Variants in ANXA6 observed in about 807,000 individuals in gnomAD.
ANXA6 encodes 67 kDa calelectrin.
In ANXA6, 71 loss-of-function variants were observed where a neutral mutation model predicts 95.4. The ratio of observed to expected loss-of-function variants is 0.74; its 90% CI spans 0.61 to 0.91. The LOEUF is 0.91. Ranked by LOEUF, ANXA6 falls within the 40% of genes least tolerant of loss-of-function variation. The pLI is 0.00. For synonymous variants in ANXA6, 289 were observed against 315.9 expected (o/e 0.91, Z 0.90); for missense variants, 830 against 876.4 (o/e 0.95, Z 0.67).
At chr5:151,143,933 A>G (rs1159922419) in intron 2 of ANXA6, among the ~76,000 whole-genome samples, 1 of 152,166 alleles carries the variant, frequency 6.6e-6, no homozygotes. Flanking sequence ...CATCACACAG[A>G]GGAGACACAT....
intron 2 of ANXA6, 166 bp from the exon 3 acceptor site, chr5:151,140,409 A>G: frequency 1.6e-6 from 1 of 637,740 alleles, no homozygotes; most frequent in Non-Finnish European, 2.8e-6. Context: ...TGACTTTCCC[A>G]TACCACCTGC....
intron 24 of ANXA6, 119 bp from the exon 25 acceptor site, chr5:151,103,811 G>A (rs969499611): frequency 3.5e-5 from 43 of 1,239,874 alleles, no homozygotes; most frequent in Non-Finnish European, 4.4e-5. Context: ...CAGGGCGGAT[G>A]TTCCACCTCT....
At chr5:151,108,138 GGTGTGTGTGTCAA>G (rs1764749482) in intron 23 of ANXA6, among the ~76,000 whole-genome samples, 1 of 151,946 alleles carries the variant, frequency 6.6e-6, no homozygotes, top group Admixed American at 6.6e-5. Context: ...GTATATGTTA[GGTGTGTGTGTCAA>G]GTGTGTGTGT....
intron 2 of ANXA6, among the ~76,000 whole-genome samples, chr5:151,145,948 C>T (rs1269078921): frequency 6.6e-6 from 1 of 151,624 alleles, no homozygotes; most frequent in Non-Finnish European, 1.5e-5. Flanking sequence ...CCCCTCTCTC[C>T]TCAACCTAGG....
intron 10 of ANXA6, among the ~76,000 whole-genome samples, chr5:151,132,192 T>A (rs957419629): frequency 4.6e-5 from 7 of 152,132 alleles, no homozygotes; most frequent in Non-Finnish European, 8.8e-5. Context: ...AAAAGTCAAC[T>A]ATTATGATCA....
intron 13 of ANXA6, among the ~76,000 whole-genome samples, chr5:151,127,129 AC>A (rs775819008): frequency 1.3e-5 from 2 of 151,366 alleles, no homozygotes; most frequent in African/African-American, 2.4e-5. Context: ...CTTCTATCCA[AC>A]TCTCCCCTCT....
chr5:151,101,545 C>T, intron 25 of ANXA6, 38 bp from the exon 26 acceptor site: 1 of 1,538,524 alleles, frequency 6.5e-7, no homozygotes, highest in Non-Finnish European at 8.8e-7. Flanking sequence ...GAAAACAGTC[C>T]TTCCAGTCTC....
chr5:151,126,329 A>C, intron 14 of ANXA6, 73 bp downstream of exon 14: 1 of 1,378,118 alleles, frequency 7.3e-7, no homozygotes, highest in Non-Finnish European at 1.0e-6. Context: ...CTGGGTGCCA[A>C]CCAGAGCAGC....
In ANXA6 at chr5:151,101,383, G is replaced by T; in HGVS notation, c.*65C>A. 1.5e-6 allele frequency: 2 copies of T among 1,348,592 alleles called. No individual in the cohort carries two copies. The highest frequency in any genetic ancestry group is 2.1e-6 in the Non-Finnish European group (2 of 968,356). The allele number at this position is 1,348,592 out of a possible 1,614,324, so 83.5% of individuals were successfully genotyped here. On this transcript the variant is annotated 3_prime_UTR_variant, in exon 26 of 26. Coordinates refer to ENST00000354546, the MANE Select transcript of ANXA6 (RefSeq NM_001155.5). Reference sequence around the variant, plus strand: ...TAGTCTCTGGAGCTGGAACAATCAGGCTTGGCCATGGCGGCTGGTGCTGAT... The same window carrying T: ...TAGTCTCTGGAGCTGGAACAATCAGTCTTGGCCATGGCGGCTGGTGCTGAT...
At chr5:151,129,857 C>T (rs536352650) in intron 11 of ANXA6, among the ~76,000 whole-genome samples, 3 of 152,064 alleles carry the variant, frequency 2.0e-5, no homozygotes, top group East Asian at 1.9e-4. Flanking sequence ...AGTACAGGTA[C>T]CCACCACTAC....
At position 151,134,418 on chromosome 5, in the gene ANXA6, CTTGT is replaced by C; in HGVS notation, c.546+5_546+8del. 6.2e-7 allele frequency: 1 copy of C among 1,613,868 alleles called. No individual in the cohort carries two copies. On this transcript the variant is annotated splice_donor_5th_base_variant and intron_variant, in intron 8 of 25. Transcript: ENST00000354546. ...TGTGCCTCAGGGACTTTCAGTGGTGCTTGTTTACCTGGACATCCTGTTGTACCAG... is the reference window on the plus strand; with the variant it reads ...TGTGCCTCAGGGACTTTCAGTGGTGCTTACCTGGACATCCTGTTGTACCAG...
chr5:151,124,034 C>T (rs568957684), intron 15 of ANXA6, among the ~76,000 whole-genome samples: 6 of 152,298 alleles, frequency 3.9e-5, no homozygotes, highest in Non-Finnish European at 7.3e-5. Context: ...TCTTCAGTGC[C>T]AGGATACTGC....
intron 20 of ANXA6, 24 bp downstream of exon 20, chr5:151,117,103 A>G: frequency 6.4e-7 from 1 of 1,569,456 alleles, no homozygotes; most frequent in Non-Finnish European, 8.7e-7. Flanking sequence ...GGCAGAGGTG[A>G]CTGGGGTGGG....
At chr5:151,140,292 A>G (rs1765793937) in intron 2 of ANXA6, 49 bp from the exon 3 acceptor site, 3 of 1,538,238 alleles carry the variant, frequency 2.0e-6, no homozygotes, top group Non-Finnish European at 2.7e-6. Context: ...GACTGAGACC[A>G]AGCTCCCAGC....
chr5:151,153,623 C>T (rs538630901), intron 1 of ANXA6, among the ~76,000 whole-genome samples: 2 of 152,294 alleles, frequency 1.3e-5, no homozygotes, highest in East Asian at 3.9e-4. Flanking sequence ...TTGTCTGACT[C>T]GAGACTTTCA....
In ANXA6 at chr5:151,117,752, A is replaced by G; in HGVS notation, c.1518+6T>C. The G allele has an allele frequency of 6.2e-7, 1 of 1,612,712 alleles. No homozygotes were observed. Among genetic ancestry groups the G allele is most frequent in the East Asian group, 2.2e-5 (1 of 44,846 alleles). On this transcript the variant is annotated splice_donor_region_variant and intron_variant, in intron 19 of 25. Coordinates refer to ENST00000354546, the MANE Select transcript of ANXA6 (RefSeq NM_001155.5). Reference sequence around the variant, plus strand: ...AAGCCGACCTGGGGCCCATGAATTCACTCACCGTGGCCAGAGAAATGAGGA... The same window carrying G: ...AAGCCGACCTGGGGCCCATGAATTCGCTCACCGTGGCCAGAGAAATGAGGA...
At chr5:151,113,983 T>C (rs1236407474) in intron 20 of ANXA6, among the ~76,000 whole-genome samples, 1 of 152,260 alleles carries the variant, frequency 6.6e-6, no homozygotes, top group East Asian at 1.9e-4. Flanking sequence ...GTTAAGTGTT[T>C]AACATAGTGT....
chr5:151,138,158 C>T (rs1029484070), intron 5 of ANXA6, among the ~76,000 whole-genome samples: 1 of 152,112 alleles, frequency 6.6e-6, no homozygotes, highest in African/African-American at 2.4e-5. Flanking sequence ...AAGGGCTTTG[C>T]CTCTCTTTTT....
intron 19 of ANXA6, 37 bp downstream of exon 19, chr5:151,117,721 A>G: frequency 6.3e-7 from 1 of 1,581,106 alleles, no homozygotes; most frequent in Non-Finnish European, 8.7e-7. Flanking sequence ...AGGCCTCCCG[A>G]TGGGCAAGCC....
Sources: allele counts gnomAD v4.1 joint callset (sites outside exome capture counted in the v4.1 genomes callset), GRCh38; gene constraint gnomAD v4.1.1; transcripts MANE v1.5; gene names NCBI Gene and HGNC (gene_info 2026-07-23, HGNC 2026-07-21).